Variants in CD36 observed in about 807,000 individuals in gnomAD.
The protein encoded by CD36 is CD36 molecule (CD36 blood group), also known as platelet glycoprotein 4.
CD36 carries 119 observed loss-of-function variants against 55.2 expected under a neutral mutation model. The observed-to-expected ratio is 2.15, with a 90% CI of 1.86 to 2.51. CD36 has a LOEUF of 2.51. Among genes scored for constraint, CD36 ranks in the 30% most tolerant of loss-of-function variants. The probability of loss-of-function intolerance (pLI) is 0.00; values close to 1 mark genes in which losing one functional copy is unlikely to be tolerated. For missense variants in CD36, 819 were observed against 555.5 expected, an observed-to-expected ratio of 1.47 and a Z score of -4.77; for synonymous variants, 186 against 193.6, an observed-to-expected ratio of 0.96 and a Z score of 0.33.
chr7:80,658,222 A>C lies in CD36; in HGVS notation c.281+1522A>C, dbSNP rs1044282071. Among the ~76,000 whole-genome samples, 10 of 152,306 alleles carry C rather than the reference A, an allele frequency of 6.6e-5. No individual in the cohort carries two copies. The East Asian group carries it at 1.9e-3, about 29-fold the overall frequency. ...TTAAAGTTTTTATATTATTAGCAAG[A>C]GTCTATACAAGTATCTTGTTGCAAA... On this transcript the variant is annotated intron_variant, in intron 4 of 14. Transcript: ENST00000447544.
chr7:80,646,855 A>T lies in CD36; in HGVS notation c.115A>T (p.Lys39Ter), dbSNP rs1262349151. 1 of 1,613,548 alleles carries T rather than the reference A, an allele frequency of 6.2e-7. No individual in the cohort carries two copies. Residue 39 changes from lysine to a stop codon, truncating the protein, a stop_gained, in exon 3 of 15, where the codon AAA becomes TAA. Transcript: ENST00000447544. LOFTEE classifies it high-confidence loss of function. Reference sequence around the variant, plus strand: ...AGACCTGCTTATCCAGAAGACAATTAAAAAGGTACAAGTAGTCCAAAGAAT... The same window carrying T: ...AGACCTGCTTATCCAGAAGACAATTTAAAAGGTACAAGTAGTCCAAAGAAT... ...VGDLLIQKTI[K>*]KQVVLEEGTI...
intron 1 of CD36, among the ~76,000 whole-genome samples, chr7:80,640,169 A>G (rs1297130135): frequency 6.6e-6 from 1 of 151,958 alleles, no homozygotes; most frequent in Non-Finnish European, 1.5e-5. Context: ...CTGGCCCAAG[A>G]TGTGTCTGAA....
Position 80,672,029 on chromosome 7 carries a change from G to GATATTGAACC in CD36, c.1115_1124dup (p.Ile376TyrfsTer2), listed in dbSNP as rs1384117805. 2 of 1,606,680 alleles carry GATATTGAACC rather than the reference G, an allele frequency of 1.2e-6. No individual in the cohort carries two copies. Among genetic ancestry groups the GATATTGAACC allele is most frequent in the East Asian group, 4.5e-5 (2 of 44,622 alleles). The stretch of plus-strand genomic sequence containing the variant: ...TGAAGAAGAACATAGGACATACTTG[G>GATATTGAACC]ATATTGAACCTGTAAGAAAACACCT... On this transcript the variant is annotated frameshift_variant, in exon 11 of 15. Coordinates refer to ENST00000447544, the MANE Select transcript of CD36 (RefSeq NM_001001548.3). LOFTEE classifies it high-confidence loss of function.
intron 7 of CD36, 93 bp from the exon 8 acceptor site, chr7:80,666,350 T>C (rs980322237): frequency 1.2e-6 from 1 of 819,860 alleles, no homozygotes; most frequent in Non-Finnish European, 2.1e-6. Context: ...ATGCATCATA[T>C]TAACAGAAGT....
At chr7:80,647,883 G>C (rs776002875) in intron 3 of CD36, among the ~76,000 whole-genome samples, 15 of 151,964 alleles carry the variant, frequency 9.9e-5, no homozygotes, top group Admixed American at 8.5e-4. Context: ...CTAGACAAAG[G>C]GTTAGTAAGC....
chr7:80,673,304 T>C, intron 12 of CD36, 51 bp from the exon 13 acceptor site: 1 of 812,472 alleles, frequency 1.2e-6, no homozygotes, highest in Non-Finnish European at 2.0e-6. Flanking sequence ...AAGTTTGTTA[T>C]ATATAAATAT....
At position 80,675,741 on chromosome 7, in the gene CD36, T is replaced by C. The variant is rs1798137969; in HGVS notation, c.*1-643T>C. On this transcript the variant is annotated intron_variant, in intron 14 of 14. Transcript: ENST00000447544. ...TATCTTTGGGCAGATTTGTAAACAA[T>C]AGGAACAAGTAAGAAGACAGGTATG... Among the ~76,000 whole-genome samples, 6 of 152,240 alleles carry C rather than the reference T, an allele frequency of 3.9e-5. No homozygotes were observed. The South Asian group carries it at 1.2e-3, about 32-fold the overall frequency.
intron 8 of CD36, 22 bp from the exon 9 acceptor site, chr7:80,669,931 T>A: frequency 1.9e-6 from 3 of 1,572,868 alleles, no homozygotes; most frequent in South Asian, 1.1e-5. Flanking sequence ...ATCTAATCAT[T>A]TGCCACTCGA....
rs147181298 is a variant in CD36 at position 80,621,438 on chromosome 7, C to T, written c.-184+19059C>T. Among the ~76,000 whole-genome samples the T allele has an allele frequency of 8.3e-3, 1,270 of 152,196 alleles. 29 individuals are homozygous for T. The highest frequency in any genetic ancestry group is 0.03 in the East Asian group (157 of 5,168). On this transcript the variant is annotated intron_variant, in intron 1 of 13. Transcript: ENST00000309881. Reference sequence around the variant, plus strand: ...GTGACTAGCAATAATTTATAGAATGCTTTGGGACAAATAATACATGGAAGC... The same window carrying T: ...GTGACTAGCAATAATTTATAGAATGTTTTGGGACAAATAATACATGGAAGC...
At chr7:80,664,661 G>T (rs1030623272) in intron 7 of CD36, among the ~76,000 whole-genome samples, 164 bp downstream of exon 7, 6 of 152,024 alleles carry the variant, frequency 3.9e-5, no homozygotes, top group African/African-American at 1.4e-4. Context: ...CTCTTTAGTT[G>T]TGGTAACTGG....
intron 1 of CD36, among the ~76,000 whole-genome samples, chr7:80,611,817 T>C (rs1192496923): frequency 6.6e-6 from 1 of 152,222 alleles, no homozygotes; most frequent in African/African-American, 2.4e-5. Flanking sequence ...GCTAAAGCTG[T>C]AATTGATAAA....
intron 14 of CD36, among the ~76,000 whole-genome samples, chr7:80,675,917 C>T (rs959628099): frequency 2.6e-5 from 4 of 151,836 alleles, no homozygotes; most frequent in Non-Finnish European, 5.9e-5. Context: ...TGGTCCAGGG[C>T]AGATGCACTT....
chr7:80,616,421 CTGTG>C (rs143980767), intron 1 of CD36, among the ~76,000 whole-genome samples: 6,137 of 145,302 alleles, frequency 0.042, 172 homozygotes, highest in East Asian at 0.12. Flanking sequence ...TGGGGACCAT[CTGTG>C]TGTGTGTGTG....
At chr7:80,676,185 G>T (rs1798157853) in intron 14 of CD36, 199 bp from the exon 15 acceptor site, 1 of 152,142 alleles carries the variant, frequency 6.6e-6, no homozygotes, top group South Asian at 2.1e-4. Flanking sequence ...ATGAAAATTG[G>T]ATATGCTTTA....
chr7:80,639,332 G>A (rs948935686), intron 1 of CD36, among the ~76,000 whole-genome samples: 2 of 151,866 alleles, frequency 1.3e-5, no homozygotes, highest in Non-Finnish European at 2.9e-5. Flanking sequence ...CAAAGATATT[G>A]TCATTGTTAC....
intron 13 of CD36, 33 bp downstream of exon 13, chr7:80,673,442 A>C: frequency 7.8e-7 from 1 of 1,287,384 alleles, no homozygotes; most frequent in Non-Finnish European, 1.1e-6. Context: ...CATTAAAAAC[A>C]ACCTTCTTTG....
At chr7:80,633,294 A>G (rs1222465839) in intron 1 of CD36, 2 of 152,054 alleles carry the variant, frequency 1.3e-5, no homozygotes, top group African/African-American at 4.8e-5. Context: ...TGCCCACATG[A>G]GAACTACCTA....
At chr7:80,607,826 C>T (rs545235520) in intron 1 of CD36, among the ~76,000 whole-genome samples, 131 of 152,174 alleles carry the variant, frequency 8.6e-4, no homozygotes, top group African/African-American at 2.9e-3. Flanking sequence ...GGCTGGAGTA[C>T]GGTGGTGCAA....
chr7:80,675,296 A>G (rs3211960), intron 14 of CD36, among the ~76,000 whole-genome samples: 53,142 of 151,562 alleles, frequency 0.35, 10,569 homozygotes, highest in South Asian at 0.45. Context: ...AGGTATTTGT[A>G]TGACTATGTA....
Sources: gnomAD v4.1 joint callset for allele counts (sites outside exome capture counted in the v4.1 genomes callset) on GRCh38, gnomAD v4.1.1 for gene constraint, MANE v1.5 for transcripts, NCBI Gene and HGNC (gene_info 2026-07-23, HGNC 2026-07-21) for gene names.